Variants in TMEM132C observed in about 807,000 individuals in gnomAD.
TMEM132C encodes transmembrane protein 132C, also known as protein phosphatase 1, regulatory subunit 152.
TMEM132C carries 29 observed loss-of-function variants against 61.4 expected under a neutral mutation model. The ratio of observed to expected loss-of-function variants is 0.47; its 90% CI spans 0.35 to 0.64. The LOEUF (loss-of-function observed/expected upper bound fraction) is 0.64. Among genes scored for constraint, TMEM132C ranks in the 30% least tolerant of loss-of-function variants. TMEM132C has a pLI of 0.00. For synonymous variants in TMEM132C, 656 were observed against 633.1 expected (o/e 1.04, Z -0.54); for missense variants, 1,408 against 1,476.9 (o/e 0.95, Z 0.76).
At chr12:128,443,054 A>G (rs1267900137) in intron 2 of TMEM132C, among the ~76,000 whole-genome samples, 1 of 152,130 alleles carries the variant, frequency 6.6e-6, no homozygotes, top group African/African-American at 2.4e-5. Context: ...GTGAAATGTC[A>G]TGGTGTCTAA....
chr12:128,681,199 C>T (rs2135640840), intron 5 of TMEM132C, among the ~76,000 whole-genome samples: 1 of 152,258 alleles, frequency 6.6e-6, no homozygotes, highest in East Asian at 1.9e-4. Context: ...AGGCTGGTCT[C>T]AAACTCCTGA....
intron 1 of TMEM132C, among the ~76,000 whole-genome samples, chr12:128,379,430 A>C (rs528737175): frequency 6.6e-6 from 1 of 152,364 alleles, no homozygotes; most frequent in Non-Finnish European, 1.5e-5. Context: ...CTGCTATAAC[A>C]AATGGCAACA....
At chr12:128,384,974 GT>G in intron 1 of TMEM132C, among the ~76,000 whole-genome samples, 1 of 152,342 alleles carries the variant, frequency 6.6e-6, no homozygotes. Context: ...ATTCACGTCT[GT>G]CAAAGTCCAG....
chr12:128,617,570 G>A (rs1362813604), intron 4 of TMEM132C, among the ~76,000 whole-genome samples: 1 of 152,146 alleles, frequency 6.6e-6, no homozygotes, highest in African/African-American at 2.4e-5. Flanking sequence ...TGTAGCATCA[G>A]GTGAGGCAGG....
chr12:128,430,000 G>A (rs1869332548), intron 2 of TMEM132C, among the ~76,000 whole-genome samples: 1 of 152,110 alleles, frequency 6.6e-6, no homozygotes, highest in Non-Finnish European at 1.5e-5. Flanking sequence ...CGGTGGATGG[G>A]GGAAGGCACC....
At chr12:128,692,112 C>T (rs1387580863) in intron 5 of TMEM132C, among the ~76,000 whole-genome samples, 1 of 152,078 alleles carries the variant, frequency 6.6e-6, no homozygotes, top group East Asian at 1.9e-4. Context: ...TCAGTGTGTG[C>T]ATCCACCCAT....
intron 2 of TMEM132C, among the ~76,000 whole-genome samples, chr12:128,483,249 C>T (rs922773714): frequency 6.7e-5 from 2 of 29,840 alleles, no homozygotes; most frequent in Non-Finnish European, 1.4e-4. Context: ...GCCTGGGCAA[C>T]AGAGCAAGAC....
At chr12:128,378,032 C>A (rs554374018) in intron 1 of TMEM132C, among the ~76,000 whole-genome samples, 1 of 152,172 alleles carries the variant, frequency 6.6e-6, no homozygotes, top group Non-Finnish European at 1.5e-5. Context: ...GCCAGGAACC[C>A]AAGCTGCCTC....
chr12:128,425,398 A>C (rs1394434269), intron 2 of TMEM132C, among the ~76,000 whole-genome samples: 1 of 152,352 alleles, frequency 6.6e-6, no homozygotes, highest in Non-Finnish European at 1.5e-5. Flanking sequence ...GAACCCAAGA[A>C]CATAGCAACC....
At chr12:128,579,088 C>T (rs1387419547) in intron 3 of TMEM132C, among the ~76,000 whole-genome samples, 1 of 152,210 alleles carries the variant, frequency 6.6e-6, no homozygotes, top group East Asian at 1.9e-4. Context: ...CAAGCGAATG[C>T]TGCCAAGGAA....
At chr12:128,622,352 AAAAAAAAAATATAT>A (rs1565994442) in intron 4 of TMEM132C, among the ~76,000 whole-genome samples, 1 of 64,636 alleles carries the variant, frequency 1.5e-5, no homozygotes, top group African/African-American at 7.4e-5. Flanking sequence ...TCAAAAAAAA[AAAAAAAAAATATAT>A]ATATATATAT....
intron 2 of TMEM132C, among the ~76,000 whole-genome samples, chr12:128,429,216 G>T (rs533687148): frequency 6.6e-6 from 1 of 152,270 alleles, no homozygotes; most frequent in Non-Finnish European, 1.5e-5. Context: ...TGGCGAGGGA[G>T]GTGCTACTGG....
chr12:128,607,896 T>A (rs1876483567), intron 3 of TMEM132C, among the ~76,000 whole-genome samples: 1 of 152,142 alleles, frequency 6.6e-6, no homozygotes, highest in African/African-American at 2.4e-5. Context: ...GTGAGATTCA[T>A]ACCCAGGGCA....
chr12:128,507,668 G>A (rs1401886547), intron 2 of TMEM132C, among the ~76,000 whole-genome samples: 2 of 152,104 alleles, frequency 1.3e-5, no homozygotes, highest in South Asian at 2.1e-4. Flanking sequence ...TCATCAAATC[G>A]TTTAAACGTT....
At chr12:128,694,158 C>A in intron 6 of TMEM132C, 124 bp downstream of exon 6, 2 of 1,189,876 alleles carry the variant, frequency 1.7e-6, no homozygotes, top group Non-Finnish European at 2.3e-6. Context: ...CTCCCCAGGG[C>A]TCCCAGATAA....
chr12:128,476,185 G>GCT (rs1472381449), intron 2 of TMEM132C, among the ~76,000 whole-genome samples: 1 of 152,162 alleles, frequency 6.6e-6, no homozygotes, highest in East Asian at 1.9e-4. Flanking sequence ...ACCAAAAAAG[G>GCT]CTGTCCATTG....
At chr12:128,368,862 A>G (rs1159253546) in intron 1 of TMEM132C, among the ~76,000 whole-genome samples, 1 of 152,182 alleles carries the variant, frequency 6.6e-6, no homozygotes, top group Non-Finnish European at 1.5e-5. Flanking sequence ...AGAGGAAGGC[A>G]CACCAAAGGC....
intron 1 of TMEM132C, among the ~76,000 whole-genome samples, chr12:128,389,482 C>T (rs1379262419): frequency 6.6e-6 from 1 of 152,156 alleles, no homozygotes; most frequent in Non-Finnish European, 1.5e-5. Context: ...CCCAACACCG[C>T]ATGCCTGCAT....
chr12:128,448,541 AAG>A (rs748746137), intron 2 of TMEM132C, among the ~76,000 whole-genome samples: 56 of 152,304 alleles, frequency 3.7e-4, no homozygotes, highest in Non-Finnish European at 6.6e-4. Flanking sequence ...CTCCAAGAGA[AAG>A]AGTCGAGCCA....
Sources: gnomAD v4.1 joint callset for allele counts (sites outside exome capture counted in the v4.1 genomes callset) on GRCh38, gnomAD v4.1.1 for gene constraint, MANE v1.5 for transcripts, NCBI Gene and HGNC (gene_info 2026-07-23, HGNC 2026-07-21) for gene names.